NPFFR2: variants seen among roughly 807,000 people sequenced by gnomAD.
The protein encoded by NPFFR2 is G-protein coupled receptor 74.
In NPFFR2, 15 loss-of-function variants were observed where a neutral mutation model predicts 13.1. That is an observed-to-expected ratio of 1.15 (90% CI 0.77 to 1.76). The LOEUF is 1.76. Among genes scored for constraint, NPFFR2 ranks in the 40% most tolerant of loss-of-function variants. The pLI, the probability that NPFFR2 is intolerant of heterozygous loss-of-function variation, is 0.00. For synonymous variants in NPFFR2, 190 were observed against 175.7 expected (o/e 1.08, Z -0.65); for missense variants, 572 against 503.5 (o/e 1.14, Z -1.30).
rs570938176 is a variant in NPFFR2, at chr4:72,141,566, T to A, written c.428+3427T>A. Among the ~76,000 whole-genome samples, 96 of 152,204 alleles carry A rather than the reference T, an allele frequency of 6.3e-4. 3 individuals are homozygous for A. The South Asian group carries it at 0.02, about 31-fold the overall frequency. The stretch of plus-strand genomic sequence containing the variant: ...TTGTTCAGCTTCCATATAGTTGTGC[T>A]GTTTTGAGTGGGTTTCTTAATCCTG... On this transcript the variant is annotated intron_variant, in intron 3 of 3. Coordinates refer to ENST00000308744, the MANE Select transcript of NPFFR2 (RefSeq NM_004885.3).
chr4:72,060,668 T>TA (rs1195901926), intron 1 of NPFFR2, among the ~76,000 whole-genome samples: 1 of 152,138 alleles, frequency 6.6e-6, no homozygotes, highest in Non-Finnish European at 1.5e-5. Context: ...CATATGTAAG[T>TA]ATAGACGTTG....
chr4:72,086,632 A>G (rs1171242887), intron 1 of NPFFR2, among the ~76,000 whole-genome samples: 1 of 152,164 alleles, frequency 6.6e-6, no homozygotes, highest in African/African-American at 2.4e-5. Flanking sequence ...ACTAGTTAAC[A>G]GAGAAAAAAG....
At chr4:72,140,357 C>G (rs1722565329) in intron 3 of NPFFR2, among the ~76,000 whole-genome samples, 2 of 152,116 alleles carry the variant, frequency 1.3e-5, no homozygotes, top group Non-Finnish European at 2.9e-5. Context: ...GGAATGCTTT[C>G]AGTTTTTGCC....
At chr4:72,042,803 G>A (rs943018289) in intron 1 of NPFFR2, among the ~76,000 whole-genome samples, 1 of 152,298 alleles carries the variant, frequency 6.6e-6, no homozygotes, top group Non-Finnish European at 1.5e-5. Context: ...TTTAAAAAAT[G>A]TGCAGGCTGA....
At chr4:72,087,066 C>T (rs1355598747) in intron 1 of NPFFR2, among the ~76,000 whole-genome samples, 1 of 151,860 alleles carries the variant, frequency 6.6e-6, no homozygotes, top group African/African-American at 2.4e-5. Context: ...TGGTAGACTC[C>T]ACCAGAAATA....
intron 1 of NPFFR2, among the ~76,000 whole-genome samples, chr4:72,066,203 A>C (rs533016907): frequency 6.6e-6 from 1 of 152,116 alleles, no homozygotes; most frequent in South Asian, 2.1e-4. Context: ...TGTCCTTACA[A>C]GGTGGAAGGC....
chr4:72,119,767 A>G (rs1269375461), intron 1 of NPFFR2, among the ~76,000 whole-genome samples: 1 of 152,214 alleles, frequency 6.6e-6, no homozygotes, highest in Non-Finnish European at 1.5e-5. Context: ...CACTTTTCCC[A>G]TGGTCTTTGC....
chr4:72,053,869 A>G (rs1007857326), intron 1 of NPFFR2, among the ~76,000 whole-genome samples: 2 of 151,936 alleles, frequency 1.3e-5, no homozygotes, highest in African/African-American at 4.8e-5. Flanking sequence ...ACAGTATTCA[A>G]TCATTTTACC....
chr4:72,060,194 A>G (rs149599292), intron 1 of NPFFR2, among the ~76,000 whole-genome samples: 741 of 152,214 alleles, frequency 4.9e-3, no homozygotes, highest in Middle Eastern at 0.014. Context: ...ACCTACTTCA[A>G]TTCTTGAGTC....
intron 1 of NPFFR2, chr4:72,068,910 C>T: frequency 1.0e-6 from 1 of 1,004,114 alleles, no homozygotes. Context: ...TCTTTATTTC[C>T]AGGTCTCCTC....
chr4:72,033,497 T>C (rs987091999), intron 1 of NPFFR2, among the ~76,000 whole-genome samples: 3 of 152,172 alleles, frequency 2.0e-5, no homozygotes, highest in Non-Finnish European at 4.4e-5. Flanking sequence ...TACTCATATA[T>C]CATTATCCTA....
intron 1 of NPFFR2, among the ~76,000 whole-genome samples, chr4:72,120,292 A>AC (rs767252683): frequency 6.6e-6 from 1 of 152,168 alleles, no homozygotes; most frequent in Non-Finnish European, 1.5e-5. Context: ...TCTCCCTGGG[A>AC]CAGAGCACCT....
chr4:72,040,448 A>G (rs1719176489), intron 1 of NPFFR2, among the ~76,000 whole-genome samples: 2 of 152,054 alleles, frequency 1.3e-5, no homozygotes, highest in Non-Finnish European at 2.9e-5. Context: ...ATATAATGGG[A>G]TCTATATTTG....
At chr4:72,123,236 A>G (rs1311822096) in intron 1 of NPFFR2, among the ~76,000 whole-genome samples, 12 of 152,230 alleles carry the variant, frequency 7.9e-5, no homozygotes, top group Admixed American at 5.9e-4. Context: ...ATCCCTGAAC[A>G]GACCAATAAC....
At chr4:72,120,423 C>T (rs1721834197) in intron 1 of NPFFR2, among the ~76,000 whole-genome samples, 1 of 152,190 alleles carries the variant, frequency 6.6e-6, no homozygotes. Context: ...CAGACTGCCT[C>T]CTCAAGTGGG....
intron 1 of NPFFR2, among the ~76,000 whole-genome samples, chr4:72,105,025 G>C (rs1721380872): frequency 1.3e-5 from 2 of 150,508 alleles, no homozygotes; most frequent in South Asian, 4.3e-4. Context: ...CAATCTAAGT[G>C]GTATAATGCA....
At chr4:72,033,402 T>C (rs997281654) in intron 1 of NPFFR2, among the ~76,000 whole-genome samples, 9 of 151,778 alleles carry the variant, frequency 5.9e-5, no homozygotes, top group African/African-American at 1.5e-4. Context: ...TACTGCACTA[T>C]ATTTAAAGGC....
intron 1 of NPFFR2, among the ~76,000 whole-genome samples, chr4:72,047,277 C>G (rs1361819156): frequency 9.2e-5 from 14 of 152,210 alleles, no homozygotes; most frequent in Middle Eastern, 3.4e-3. Context: ...TGCTATATAT[C>G]AAGACCATGG....
At chr4:72,078,810 T>C (rs573493608) in intron 1 of NPFFR2, among the ~76,000 whole-genome samples, 1 of 152,232 alleles carries the variant, frequency 6.6e-6, no homozygotes, top group East Asian at 1.9e-4. Flanking sequence ...AGTGGAATTA[T>C]GCTGAGTGGA....
Sources: gnomAD v4.1 joint callset for allele counts (sites outside exome capture counted in the v4.1 genomes callset) on GRCh38, gnomAD v4.1.1 for gene constraint, MANE v1.5 for transcripts, NCBI Gene and HGNC (gene_info 2026-07-23, HGNC 2026-07-21) for gene names.